Variants in FBLN1 observed in about 807,000 individuals in gnomAD.
The protein encoded by FBLN1 is fibulin-1.
A neutral mutation model predicts 89.7 loss-of-function variants in FBLN1; 34 were observed. The observed-to-expected ratio is 0.38, with a 90% CI of 0.29 to 0.50. The LOEUF is 0.50. FBLN1 is among the 20% of genes least tolerant of loss of function. The pLI is 0.92. For synonymous variants in FBLN1, 393 were observed against 391.3 expected (o/e 1.00, Z -0.05); for missense variants, 777 against 988.1 (o/e 0.79, Z 2.86).
Position 45,600,839 on chromosome 22 carries a change from T to A in FBLN1, c.*393T>A, listed in dbSNP as rs1181092077. On this transcript the variant is annotated 3_prime_UTR_variant, in exon 17 of 17. Coordinates refer to ENST00000327858, the MANE Select transcript of FBLN1 (RefSeq NM_006486.3). ...AAATTTGACATTTTGGCACTTTTTT[T>A]TTTTTTTTGGCCAATCAGATTTTCT... 1 of 311,724 alleles carries A rather than the reference T, an allele frequency of 3.2e-6. No individual in the cohort carries two copies. Among genetic ancestry groups the A allele is most frequent in the Non-Finnish European group, 6.2e-6 (1 of 162,450 alleles). 19.3% of individuals were successfully genotyped at this position (311,724 alleles called of 1,614,324 possible). A position where few individuals can be genotyped will look rare whatever the true frequency, so the allele number is the denominator to read the frequency against.
chr22:45,570,340 GA>G (rs2088941696), intron 14 of FBLN1, among the ~76,000 whole-genome samples: 1 of 59,146 alleles, frequency 1.7e-5, no homozygotes, highest in African/African-American at 7.3e-5. Context: ...AAAAAAAAAA[GA>G]AAAGAAAAGA....
intron 1 of FBLN1, among the ~76,000 whole-genome samples, chr22:45,517,116 C>A (rs1007907690): frequency 9.8e-5 from 15 of 152,336 alleles, no homozygotes; most frequent in Non-Finnish European, 2.2e-4. Context: ...CTCTGGGCCA[C>A]CCCGAGGGCC....
Position 45,575,114 on chromosome 22 carries a change from TC to T in FBLN1, c.1840+468del, listed in dbSNP as rs969677331. Among the ~76,000 whole-genome samples the T allele has an allele frequency of 6.6e-6, 1 of 151,988 alleles. No homozygotes were observed. Among genetic ancestry groups the T allele is most frequent in the Non-Finnish European group, 1.5e-5 (1 of 67,976 alleles). On this transcript the variant is annotated intron_variant, in intron 15 of 16. Coordinates refer to ENST00000327858, the MANE Select transcript of FBLN1 (RefSeq NM_006486.3). This position sits in a 1 kb window ranked among gnomAD's most constrained non-coding sequence, Gnocchi z 6.3. ...ATGCAGAACTTTCTTTGTGTCTGTG[TC>T]CCCCCCACACCCACCTGGCACAGCA...
At chr22:45,529,797 G>A (rs2088379715) in intron 4 of FBLN1, among the ~76,000 whole-genome samples, 1 of 152,230 alleles carries the variant, frequency 6.6e-6, no homozygotes, top group Non-Finnish European at 1.5e-5. Flanking sequence ...AACCTGGGAG[G>A]CGGAGGTTGC....
intron 16 of FBLN1, among the ~76,000 whole-genome samples, chr22:45,587,125 T>C (rs2089094091): frequency 6.6e-6 from 1 of 152,054 alleles, no homozygotes; most frequent in Admixed American, 6.5e-5. Flanking sequence ...GTCATGTACG[T>C]GCGCATCATG....
rs1221608227 is a variant in FBLN1, at chr22:45,577,240, G to A, written c.1972+132G>A. The stretch of plus-strand genomic sequence containing the variant: ...GCCCACCCAACCTTCAGGGCCCAGC[G>A]CCGAGGCCACCACAGCTCCCAATCG... On this transcript the variant is annotated intron_variant, in intron 16 of 16. Coordinates refer to ENST00000327858, the MANE Select transcript of FBLN1 (RefSeq NM_006486.3). The surrounding 1 kb of genome is among the most constrained non-coding windows in gnomAD (Gnocchi z 6.6). The A allele has an allele frequency of 4.5e-5, 46 of 1,026,486 alleles. No homozygotes were observed. The highest frequency in any genetic ancestry group is 2.5e-4 in the Middle Eastern group (1 of 3,954). 63.6% of individuals were successfully genotyped at this position (1,026,486 alleles called of 1,614,324 possible). A position where few individuals can be genotyped will look rare whatever the true frequency, so the allele number is the denominator to read the frequency against.
At position 45,533,886 on chromosome 22, in the gene FBLN1, A is replaced by G. The variant is rs2088445218; in HGVS notation, c.772A>G (p.Asn258Asp). 1.9e-6 allele frequency: 3 copies of G among 1,613,992 alleles called. No homozygotes were observed. Among genetic ancestry groups the G allele is most frequent in the Non-Finnish European group, 1.7e-6 (2 of 1,180,026 alleles). ...CGTGYELTED[N>D]SCKDIDECES... The stretch of plus-strand genomic sequence containing the variant: ...GACTGGCTATGAGCTCACAGAGGAC[A>G]ATAGCTGCAAAGGTACAGCATGCGC... Residue 258 changes from asparagine (N) to aspartate (D), a missense_variant, in exon 7 of 17, where the codon AAT becomes GAT. Asn to Asp is a conservative substitution (Grantham distance 23). Transcript: ENST00000327858.
chr22:45,533,639 G>C, intron 6 of FBLN1, 122 bp from the exon 7 acceptor site: 4 of 1,118,632 alleles, frequency 3.6e-6, no homozygotes, highest in Non-Finnish European at 5.4e-6. Context: ...TGGTGGACCT[G>C]AGCTCAGTTT....
At chr22:45,596,548 T>C (rs1206849298) in intron 16 of FBLN1, among the ~76,000 whole-genome samples, 2 of 139,008 alleles carry the variant, frequency 1.4e-5, no homozygotes, top group Non-Finnish European at 3.0e-5. Flanking sequence ...TATATAAATA[T>C]ATCAACATAA....
In FBLN1 at chr22:45,546,128, G is replaced by A. The variant is rs921100665; in HGVS notation, c.1322-957G>A. On this transcript the variant is annotated intron_variant, in intron 11 of 16. Coordinates refer to ENST00000327858, the MANE Select transcript of FBLN1 (RefSeq NM_006486.3). ...CCGGAGGTGGAGATTGCAGTGAGCTGAGATTGAGCTACTTGTACTCCAGCC... is the reference window on the plus strand; with the variant it reads ...CCGGAGGTGGAGATTGCAGTGAGCTAAGATTGAGCTACTTGTACTCCAGCC... 1.4e-4 allele frequency among the ~76,000 whole-genome samples: 21 copies of A among 152,150 alleles called. No homozygotes were observed. The South Asian group carries it at 4.4e-3, about 32-fold the overall frequency.
Position 45,537,973 on chromosome 22 carries a change from C to T in FBLN1, c.922+2636C>T, listed in dbSNP as rs777674581. 3.3e-5 allele frequency among the ~76,000 whole-genome samples: 5 copies of T among 152,222 alleles called. No individual in the cohort carries two copies. Among genetic ancestry groups the T allele is most frequent in the African/African-American group, 4.8e-5 (2 of 41,460 alleles). ...CCCTGACTCATGGCAAAATCAGCCCCGATTTCCACAAAGAGGCAATGTTTG... is the reference window on the plus strand; with the variant it reads ...CCCTGACTCATGGCAAAATCAGCCCTGATTTCCACAAAGAGGCAATGTTTG... On this transcript the variant is annotated intron_variant, in intron 8 of 16. Transcript: ENST00000327858. The surrounding 1 kb of genome is among the most constrained non-coding windows in gnomAD (Gnocchi z 5.7).
Position 45,574,584 on chromosome 22 carries a change from G to A in FBLN1, c.1771G>A (p.Asp591Asn), listed in dbSNP as rs374228845. The A allele has an allele frequency of 1.8e-4, 298 of 1,614,072 alleles. No homozygotes were observed. Among genetic ancestry groups the A allele is most frequent in the South Asian group, 6.4e-4 (58 of 91,076 alleles). ...CRPNDVTCVF[D>N]PVHTISHTVI... Reference sequence around the variant, plus strand: ...CCCCAACGATGTCACATGCGTGTTCGACCCCGTGCACACCATCTCCCACAC... The same window carrying A: ...CCCCAACGATGTCACATGCGTGTTCAACCCCGTGCACACCATCTCCCACAC... The change falls in exon 15 of 17, where the codon GAC (aspartate) becomes AAC (asparagine). Residue 591 changes from aspartate (D) to asparagine (N), a missense_variant. By Grantham distance (23) the Asp-to-Asn change is conservative. Transcript: ENST00000327858. This position sits in a 1 kb window ranked among gnomAD's most constrained non-coding sequence, Gnocchi z 4.1.
At chr22:45,518,375 C>T (rs112257991) in intron 1 of FBLN1, among the ~76,000 whole-genome samples, 80 of 152,244 alleles carry the variant, frequency 5.3e-4, no homozygotes, top group African/African-American at 1.8e-3. Context: ...ATCAGCATCT[C>T]CAGCATGTGG....
At chr22:45,589,595 T>C (rs868390648) in intron 16 of FBLN1, among the ~76,000 whole-genome samples, 4 of 152,250 alleles carry the variant, frequency 2.6e-5, no homozygotes, top group African/African-American at 9.6e-5. Context: ...AATTGGCTCA[T>C]TCATGGCGCC....
chr22:45,507,640 G>C (rs2088040574), intron 1 of FBLN1, among the ~76,000 whole-genome samples: 1 of 152,026 alleles, frequency 6.6e-6, no homozygotes, highest in African/African-American at 2.4e-5. Context: ...CCATTCTCCT[G>C]CCTCAGTCTC....
chr22:45,544,454 TC>T, intron 11 of FBLN1, among the ~76,000 whole-genome samples: 1 of 152,276 alleles, frequency 6.6e-6, no homozygotes, highest in East Asian at 1.9e-4. Context: ...ACCCTGGCCT[TC>T]CGGATGACGA....
intron 16 of FBLN1, among the ~76,000 whole-genome samples, chr22:45,592,325 T>G (rs1247359584): frequency 6.6e-6 from 1 of 152,178 alleles, no homozygotes; most frequent in Admixed American, 6.5e-5. Context: ...TTCCATGTGC[T>G]TTTTTGTTTT....
chr22:45,510,613 G>A (rs768744282), intron 1 of FBLN1, among the ~76,000 whole-genome samples: 2 of 152,068 alleles, frequency 1.3e-5, no homozygotes, highest in Non-Finnish European at 2.9e-5. Flanking sequence ...AAGCTTCTGC[G>A]ATGTTTACAG....
intron 16 of FBLN1, among the ~76,000 whole-genome samples, chr22:45,593,823 C>T (rs767466431): frequency 1.3e-5 from 2 of 152,182 alleles, no homozygotes; most frequent in Non-Finnish European, 2.9e-5. Context: ...CTCTTTTCTT[C>T]TTCTTCTGCC....
Sources: gnomAD v4.1 joint callset for allele counts (sites outside exome capture counted in the v4.1 genomes callset) on GRCh38, gnomAD v4.1.1 for gene constraint, Gnocchi (gnomAD v3.1) non-coding constraint, MANE v1.5 for transcripts, NCBI Gene and HGNC (gene_info 2026-07-23, HGNC 2026-07-21) for gene names.